Variants in SYNJ2 observed in about 807,000 individuals in gnomAD.
The protein encoded by SYNJ2 is polyphosphatidylinositol phosphatase SYNJ2.
SYNJ2 carries 116 observed loss-of-function variants against 141.3 expected under a neutral mutation model. The ratio of observed to expected loss-of-function variants is 0.82; its 90% CI spans 0.71 to 0.96. The LOEUF is 0.96. SYNJ2 is among the 40% of genes least tolerant of loss of function. The pLI is 0.00. For synonymous variants in SYNJ2, 745 were observed against 777.7 expected (o/e 0.96, Z 0.70); for missense variants, 1,873 against 1,934.8 (o/e 0.97, Z 0.60).
Position 158,054,972 on chromosome 6 carries a change from C to T in SYNJ2, c.801C>T (p.Gly267=). The change falls in exon 6 of 27, where the codon GGC becomes GGT. Residue 267 remains glycine, a synonymous_variant. Transcript: ENST00000355585. ...LFWEQPGLQV[G]SHHLRLHRGL... is the part of the protein sequence containing the mutation. The stretch of plus-strand genomic sequence containing the variant: ...GTTACTTCTCTTTGCTTTAGGTTGG[C>T]TCCCATCATCTGAGACTCCACAGAG... The T allele has an allele frequency of 6.2e-7, 1 of 1,614,066 alleles. No homozygotes were observed.
At chr6:158,058,072 AT>A (rs557999266) in intron 6 of SYNJ2, among the ~76,000 whole-genome samples, 154 of 152,268 alleles carry the variant, frequency 1.0e-3, no homozygotes, top group Non-Finnish European at 1.7e-3. Flanking sequence ...AAAAAAAATG[AT>A]TTTTTTCATG....
chr6:157,982,787 A>T lies in SYNJ2; in HGVS notation c.127+699A>T, dbSNP rs1232163219. On this transcript the variant is annotated intron_variant, in intron 1 of 26. Coordinates refer to ENST00000355585, the MANE Select transcript of SYNJ2 (RefSeq NM_003898.4). This position sits in a 1 kb window ranked among gnomAD's most constrained non-coding sequence, Gnocchi z 4.0. ...AGCTATTATTATCCCCATTTTGCAG[A>T]TGAGCAAACTGAGGCCTAAAGAGGC... Among the ~76,000 whole-genome samples, 1 of 152,238 alleles carries T rather than the reference A, an allele frequency of 6.6e-6. No homozygotes were observed. Among genetic ancestry groups the T allele is most frequent in the Non-Finnish European group, 1.5e-5 (1 of 68,042 alleles).
At chr6:158,082,487 CAAAAAAAAAAA>C (rs769884420) in intron 20 of SYNJ2, among the ~76,000 whole-genome samples, 2 of 75,298 alleles carry the variant, frequency 2.7e-5, no homozygotes, top group African/African-American at 1.2e-4. Context: ...ACTCTGTCTC[CAAAAAAAAAAA>C]AAAAAAAAAA....
Position 158,086,844 on chromosome 6 carries a change from A to T in SYNJ2, c.3209-11A>T. On this transcript the variant is annotated splice_polypyrimidine_tract_variant and intron_variant, in intron 22 of 26. Transcript: ENST00000355585. Reference sequence around the variant, plus strand: ...CAGACCATTGTACTCATGCCCCGCCATGTCCTCCAGATGACGCGGACCTGG... The same window carrying T: ...CAGACCATTGTACTCATGCCCCGCCTTGTCCTCCAGATGACGCGGACCTGG... 6.2e-7 allele frequency: 1 copy of T among 1,611,358 alleles called. No homozygotes were observed.
rs937504228 is a variant in SYNJ2 at position 158,073,468 on chromosome 6, G to A, written c.2134-1112G>A. ...CTGCCTCAGCCTCCCAAAGTGCTGG[G>A]ATTACAGGTGTGAGCCATGGTGCCT... On this transcript the variant is annotated intron_variant, in intron 15 of 26. Transcript: ENST00000355585. 5.3e-5 allele frequency among the ~76,000 whole-genome samples: 8 copies of A among 152,326 alleles called. No homozygotes were observed. The South Asian group carries it at 1.2e-3, about 24-fold the overall frequency.
At position 158,063,857 on chromosome 6, in the gene SYNJ2, C is replaced by G; in HGVS notation, c.1194C>G (p.Ser398Arg). 1 of 1,613,588 alleles carries G rather than the reference C, an allele frequency of 6.2e-7. No homozygotes were observed. Among genetic ancestry groups the G allele is most frequent in the Non-Finnish European group, 8.5e-7 (1 of 1,179,788 alleles). ...DCLDRTNTVQ[S>R]FIALEVLHLQ... ...TGGACCGAACCAACACTGTGCAGAG[C>G]TTCATCGCGCTCGAGGTGCGTCCCT... The change falls in exon 9 of 27, where the codon AGC becomes AGG. Residue 398 changes from serine to arginine, a missense_variant. Ser to Arg is a moderately radical substitution (Grantham distance 110). Coordinates refer to ENST00000355585, the MANE Select transcript of SYNJ2 (RefSeq NM_003898.4).
intron 3 of SYNJ2, 155 bp downstream of exon 3, chr6:158,029,181 G>A (rs1779226976): frequency 2.0e-6 from 2 of 1,021,060 alleles, no homozygotes; most frequent in Non-Finnish European, 2.8e-6. Flanking sequence ...TCAGCACAAT[G>A]AGAGGAAAAC....
rs377325640 is a variant in SYNJ2 at position 158,026,101 on chromosome 6, G to A, written c.215-2655G>A. Among the ~76,000 whole-genome samples the A allele has an allele frequency of 1.7e-3, 258 of 152,310 alleles. 4 individuals are homozygous for A. Among genetic ancestry groups the A allele is most frequent in the African/African-American group, 5.8e-3 (242 of 41,556 alleles). On this transcript the variant is annotated intron_variant, in intron 2 of 26. Coordinates refer to ENST00000355585, the MANE Select transcript of SYNJ2 (RefSeq NM_003898.4). ...GGCTTAAAGTGAAACCTACATTTTG[G>A]CTCCAACACAGACTAGCTGTGTGCT...
chr6:158,066,474 A>G lies in SYNJ2; in HGVS notation c.1556A>G (p.Glu519Gly), dbSNP rs2128368778. The G allele has an allele frequency of 1.2e-6, 2 of 1,614,140 alleles. No homozygotes were observed. Among genetic ancestry groups the G allele is most frequent in the East Asian group, 4.5e-5 (2 of 44,880 alleles). Reference protein sequence around the residue: ...VTPRILKAMTERQSEFTNFKR... With the variant: ...VTPRILKAMTGRQSEFTNFKR... ...CCCAGGATCCTGAAAGCTATGACTG[A>G]GCGTCAGTCCGAATTCACAAATTTC... The change falls in exon 12 of 27, where the codon GAG becomes GGG. Residue 519 changes from glutamate (E) to glycine (G), a missense_variant. By Grantham distance (98) the Glu-to-Gly change is moderately conservative. Transcript: ENST00000355585.
At chr6:158,078,466 C>T (rs1315159092) in intron 18 of SYNJ2, 185 bp downstream of exon 18, 7 of 416,572 alleles carry the variant, frequency 1.7e-5, no homozygotes, top group Non-Finnish European at 2.1e-5. Context: ...CCACCAAGAA[C>T]TAATTAATCT....
intron 5 of SYNJ2, among the ~76,000 whole-genome samples, chr6:158,052,919 T>C (rs1418986813): frequency 2.0e-5 from 3 of 152,246 alleles, no homozygotes; most frequent in Non-Finnish European, 4.4e-5. Context: ...GTCTCAGTGA[T>C]GTCCTTTGAA....
chr6:158,059,166 T>C, intron 6 of SYNJ2, 91 bp from the exon 7 acceptor site: 1 of 1,328,544 alleles, frequency 7.5e-7, no homozygotes, highest in Non-Finnish European at 9.9e-7. Flanking sequence ...AAAGCATGAC[T>C]CCTGCCCCGT....
chr6:158,033,112 C>T (rs1015604647), intron 3 of SYNJ2, among the ~76,000 whole-genome samples: 2 of 152,190 alleles, frequency 1.3e-5, no homozygotes, highest in Non-Finnish European at 1.5e-5. Flanking sequence ...CAGGGCTAAC[C>T]AGAGGCCCCT....
rs760093130 is a variant in SYNJ2 at position 158,063,846 on chromosome 6, A to G, written c.1183A>G (p.Thr395Ala). 1.7e-5 allele frequency: 27 copies of G among 1,613,474 alleles called. No individual in the cohort carries two copies. The highest frequency in any genetic ancestry group is 2.3e-5 in the Non-Finnish European group (27 of 1,179,824). The change falls in exon 9 of 27, where the codon ACT (threonine) becomes GCT (alanine). Residue 395 changes from threonine to alanine, a missense_variant. By Grantham distance (58) the Thr-to-Ala change is moderately conservative. Transcript: ENST00000355585. The stretch of plus-strand genomic sequence containing the variant: ...TCTTGACTGCCTGGACCGAACCAAC[A>G]CTGTGCAGAGCTTCATCGCGCTCGA... ...NCLDCLDRTN[T>A]VQSFIALEVL...
At chr6:157,997,594 G>A (rs1013636962) in intron 1 of SYNJ2, among the ~76,000 whole-genome samples, 2 of 152,142 alleles carry the variant, frequency 1.3e-5, no homozygotes, top group Admixed American at 1.3e-4. Context: ...CCAGAACTGT[G>A]AGACAATAAA....
At chr6:157,994,954 G>C (rs2128317089) in intron 1 of SYNJ2, among the ~76,000 whole-genome samples, 1 of 152,300 alleles carries the variant, frequency 6.6e-6, no homozygotes, top group South Asian at 2.1e-4. Context: ...CTGTGGCTCT[G>C]TGTGTCTGAA....
intron 13 of SYNJ2, 64 bp downstream of exon 13, chr6:158,068,792 G>A (rs1489161588): frequency 1.3e-6 from 2 of 1,575,774 alleles, no homozygotes; most frequent in Non-Finnish European, 1.7e-6. Flanking sequence ...GCTGGGAGCA[G>A]AGCCTCTGAG....
intron 1 of SYNJ2, among the ~76,000 whole-genome samples, chr6:157,988,659 A>G (rs1179327641): frequency 6.6e-6 from 1 of 152,116 alleles, no homozygotes; most frequent in African/African-American, 2.4e-5. Context: ...GATGGGGAAT[A>G]TATTCTGTTT....
intron 1 of SYNJ2, among the ~76,000 whole-genome samples, chr6:158,014,450 A>C (rs917160851): frequency 6.6e-6 from 1 of 152,248 alleles, no homozygotes; most frequent in Non-Finnish European, 1.5e-5. Flanking sequence ...CTAACTCTGC[A>C]TTTCCTTTAG....
Sources: allele counts gnomAD v4.1 joint callset (sites outside exome capture counted in the v4.1 genomes callset), GRCh38; gene constraint gnomAD v4.1.1; non-coding constraint Gnocchi (gnomAD v3.1); transcripts MANE v1.5; gene names NCBI Gene and HGNC (gene_info 2026-07-23, HGNC 2026-07-21).